The following PPP2R5A variants were observed in gnomAD, a reference collection of about 807,000 sequenced individuals.
The protein encoded by PPP2R5A is protein phosphatase 2 regulatory subunit B'alpha, also known as serine/threonine-protein phosphatase 2A 56 kDa regulatory subunit alpha isoform.
Under a neutral mutation model 64.2 loss-of-function variants are expected in PPP2R5A, and 25 were observed. The observed-to-expected ratio is 0.39, with a 90% CI of 0.28 to 0.54. The LOEUF (loss-of-function observed/expected upper bound fraction) is 0.54, where lower values mean the gene tolerates loss of function less well. PPP2R5A is among the 20% of genes least tolerant of loss of function. The pLI is 0.67. For synonymous variants in PPP2R5A, 198 were observed against 201.2 expected, an observed-to-expected ratio of 0.98 and a Z score of 0.13; for missense variants, 425 against 576.3, an observed-to-expected ratio of 0.74 and a Z score of 2.69.
intron 1 of PPP2R5A, among the ~76,000 whole-genome samples, chr1:212,294,625 G>A (rs1401894675): frequency 6.6e-6 from 1 of 152,104 alleles, no homozygotes; most frequent in African/African-American, 2.4e-5. Flanking sequence ...TTGGTGAACC[G>A]CTGCAGAGAT....
intron 5 of PPP2R5A, among the ~76,000 whole-genome samples, chr1:212,347,114 A>G (rs1659795332): frequency 6.6e-6 from 1 of 152,222 alleles, no homozygotes; most frequent in African/African-American, 2.4e-5. Flanking sequence ...ACAATCTGTT[A>G]TCTTCACATA....
chr1:212,302,275 C>G (rs1303454304), intron 1 of PPP2R5A, among the ~76,000 whole-genome samples: 1 of 152,066 alleles, frequency 6.6e-6, no homozygotes, highest in Non-Finnish European at 1.5e-5. Flanking sequence ...TTCTTAAAAC[C>G]AACCCTCTGT....
chr1:212,321,263 C>T (rs377746464), intron 1 of PPP2R5A, among the ~76,000 whole-genome samples: 7,407 of 138,406 alleles, frequency 0.054, 620 homozygotes, highest in African/African-American at 0.2. Flanking sequence ...CCAGTAGGGG[C>T]GGCCGGGCAG....
At chr1:212,335,503 G>T (rs555321220) in intron 3 of PPP2R5A, among the ~76,000 whole-genome samples, 2 of 151,484 alleles carry the variant, frequency 1.3e-5, no homozygotes, top group Non-Finnish European at 2.9e-5. Context: ...AAAGATGAGA[G>T]AAAGAAAATT....
chr1:212,321,336 CTTCCGGACGGGGCGGCT>C (rs1473945449), intron 1 of PPP2R5A, among the ~76,000 whole-genome samples: 17 of 148,460 alleles, frequency 1.1e-4, no homozygotes, highest in African/African-American at 3.5e-4. Flanking sequence ...CCCCACCTCC[CTTCCGGACGGGGCGGCT>C]GGCCGGGCGG....
At chr1:212,319,280 T>G (rs1659216078) in intron 1 of PPP2R5A, 1 of 152,256 alleles carries the variant, frequency 6.6e-6, no homozygotes, top group African/African-American at 2.4e-5. Flanking sequence ...TATAAGGTGT[T>G]GTGAATTTTT....
intron 3 of PPP2R5A, 103 bp from the exon 4 acceptor site, chr1:212,342,085 C>A: frequency 7.0e-7 from 1 of 1,424,478 alleles, no homozygotes; most frequent in East Asian, 2.4e-5. Flanking sequence ...CTGAAATCTC[C>A]CCACTAAGTT....
chr1:212,352,323 C>T (rs1659900759), intron 8 of PPP2R5A, among the ~76,000 whole-genome samples: 1 of 149,824 alleles, frequency 6.7e-6, no homozygotes, highest in Non-Finnish European at 1.5e-5. Flanking sequence ...GCCACTGCAC[C>T]TGGCCCACAT....
intron 1 of PPP2R5A, among the ~76,000 whole-genome samples, chr1:212,299,814 CTTT>C (rs59480144): frequency 4.9e-5 from 7 of 141,872 alleles, no homozygotes; most frequent in Non-Finnish European, 7.7e-5. Context: ...CTTCATAAGA[CTTT>C]TTTTTTTTTT....
chr1:212,345,324 C>T (rs1015959435), intron 4 of PPP2R5A, among the ~76,000 whole-genome samples: 23 of 152,066 alleles, frequency 1.5e-4, no homozygotes, highest in African/African-American at 5.6e-4. Flanking sequence ...ATTGTAAATT[C>T]ACAAAAAGAA....
In PPP2R5A at chr1:212,285,604, G is replaced by T. The variant is rs111653872; in HGVS notation, c.-507G>T. Reference sequence around the variant, plus strand: ...GGGCCGGCGTTGACCGGGAAGAGCGGGCACCGCGGCAGTGGCTCCGAGGGG... The same window carrying T: ...GGGCCGGCGTTGACCGGGAAGAGCGTGCACCGCGGCAGTGGCTCCGAGGGG... On this transcript the variant is annotated 5_prime_UTR_variant, in exon 1 of 13. Coordinates refer to ENST00000261461, the MANE Select transcript of PPP2R5A (RefSeq NM_006243.4). 0.01 allele frequency: 1,586 copies of T among 152,582 alleles called. 31 individuals are homozygous for T. The highest frequency in any genetic ancestry group is 0.035 in the African/African-American group (1,470 of 41,538). The allele number at this position is 152,582 out of a possible 1,614,324, so 9.5% of individuals were successfully genotyped here.
intron 1 of PPP2R5A, among the ~76,000 whole-genome samples, chr1:212,317,245 G>C (rs932671329): frequency 8.6e-5 from 13 of 151,524 alleles, no homozygotes; most frequent in African/African-American, 3.2e-4. Flanking sequence ...TCTTTTTTTT[G>C]GTGGGGGGTC....
intron 1 of PPP2R5A, among the ~76,000 whole-genome samples, chr1:212,326,242 G>GTTT (rs35314006): frequency 1.4e-5 from 2 of 143,144 alleles, no homozygotes; most frequent in East Asian, 4.1e-4. Context: ...CAAATTCAAT[G>GTTT]TTTTTTTTTT....
chr1:212,333,415 T>A (rs1304575753), intron 2 of PPP2R5A, 82 bp from the exon 3 acceptor site: 2 of 866,886 alleles, frequency 2.3e-6, no homozygotes, highest in African/African-American at 3.5e-5. Context: ...TTTCTGAAAG[T>A]GATCTTTAAA....
chr1:212,346,470 G>T (rs1420497727), intron 5 of PPP2R5A, among the ~76,000 whole-genome samples: 1 of 151,818 alleles, frequency 6.6e-6, no homozygotes, highest in Non-Finnish European at 1.5e-5. Context: ...TGCATATAAC[G>T]TCCACACATC....
chr1:212,320,717 GC>G lies in PPP2R5A; in HGVS notation c.182-8417del, dbSNP rs1659263220. ...CCCCACCTCCCTCCCGGATGGGGCGGCTGGCCGGGCAGAGGGGCTCCTCTCT... is the reference window on the plus strand; with the variant it reads ...CCCCACCTCCCTCCCGGATGGGGCGGTGGCCGGGCAGAGGGGCTCCTCTCT... On this transcript the variant is annotated intron_variant, in intron 1 of 12. Transcript: ENST00000261461. 2.8e-5 allele frequency among the ~76,000 whole-genome samples: 4 copies of G among 141,866 alleles called. No homozygotes were observed. The South Asian group carries it at 8.8e-4, about 31-fold the overall frequency. 93.1% of individuals were successfully genotyped at this position (141,866 alleles called of 152,430 possible). A position where few individuals can be genotyped will look rare whatever the true frequency, so the allele number is the denominator to read the frequency against.
chr1:212,291,241 A>C (rs978108509), intron 1 of PPP2R5A, among the ~76,000 whole-genome samples: 1 of 151,984 alleles, frequency 6.6e-6, no homozygotes, highest in Admixed American at 6.6e-5. Context: ...CACCATGCCA[A>C]GCTAATTTTT....
At chr1:212,324,927 A>G (rs137867543) in intron 1 of PPP2R5A, among the ~76,000 whole-genome samples, 2,268 of 152,268 alleles carry the variant, frequency 0.015, 25 homozygotes, top group Non-Finnish European at 0.021. Context: ...AAACATAGCC[A>G]TGTTGTAATA....
At chr1:212,329,859 TG>T (rs1659471838) in intron 2 of PPP2R5A, among the ~76,000 whole-genome samples, 1 of 152,150 alleles carries the variant, frequency 6.6e-6, no homozygotes, top group Admixed American at 6.5e-5. Flanking sequence ...TTGGCCAGGC[TG>T]GTCTTGAACT....
Sources: gnomAD v4.1 joint callset for allele counts (sites outside exome capture counted in the v4.1 genomes callset) on GRCh38, gnomAD v4.1.1 for gene constraint, MANE v1.5 for transcripts, NCBI Gene and HGNC (gene_info 2026-07-23, HGNC 2026-07-21) for gene names.